The following PRKG1 variants were observed in gnomAD, a reference collection of about 807,000 sequenced individuals.
PRKG1 encodes the protein cGMP-dependent protein kinase 1.
Under a neutral mutation model 88.1 loss-of-function variants are expected in PRKG1, and 35 were observed. The ratio of observed to expected loss-of-function variants is 0.40; its 90% CI spans 0.30 to 0.53. PRKG1 has a LOEUF of 0.53. Ranked by LOEUF, PRKG1 falls within the 20% of genes least tolerant of loss-of-function variation. The pLI is 0.59. For missense variants in PRKG1, 540 were observed against 839.8 expected, an observed-to-expected ratio of 0.64 and a Z score of 4.41; for synonymous variants, 303 against 292.5, an observed-to-expected ratio of 1.04 and a Z score of -0.37.
At chr10:51,216,811 A>G (rs1434082085) in intron 2 of PRKG1, among the ~76,000 whole-genome samples, 1 of 152,150 alleles carries the variant, frequency 6.6e-6, no homozygotes, top group South Asian at 2.1e-4. Flanking sequence ...TGATTTTTTC[A>G]GGGGGATTTA....
intron 2 of PRKG1, among the ~76,000 whole-genome samples, chr10:51,166,083 A>G (rs1324807877): frequency 6.6e-6 from 1 of 151,740 alleles, no homozygotes; most frequent in Non-Finnish European, 1.5e-5. Flanking sequence ...ATTTTACATT[A>G]CTTTTCTATT....
chr10:51,964,536 A>T (rs1843522543), intron 5 of PRKG1, among the ~76,000 whole-genome samples: 2 of 152,334 alleles, frequency 1.3e-5, no homozygotes, highest in Non-Finnish European at 2.9e-5. Context: ...TTCTTACAAA[A>T]TTAAGAGATT....
intron 9 of PRKG1, among the ~76,000 whole-genome samples, chr10:52,211,716 AAG>A (rs1554817687): frequency 3.3e-5 from 5 of 151,458 alleles, no homozygotes; most frequent in African/African-American, 9.7e-5. Context: ...AAAAAAAAAA[AAG>A]AAAAGTAATT....
At chr10:52,012,987 A>G (rs1324408262) in intron 5 of PRKG1, among the ~76,000 whole-genome samples, 1 of 152,228 alleles carries the variant, frequency 6.6e-6, no homozygotes, top group East Asian at 1.9e-4. Flanking sequence ...TGTCACATTC[A>G]GTATTAGAGC....
At chr10:51,690,138 G>C (rs1250933262) in intron 3 of PRKG1, among the ~76,000 whole-genome samples, 1 of 152,092 alleles carries the variant, frequency 6.6e-6, no homozygotes, top group Non-Finnish European at 1.5e-5. Flanking sequence ...AGAGAGCAGA[G>C]GGGGAGGTGC....
chr10:51,375,068 T>C (rs1174865996), intron 2 of PRKG1, among the ~76,000 whole-genome samples: 1 of 152,188 alleles, frequency 6.6e-6, no homozygotes, highest in East Asian at 1.9e-4. Flanking sequence ...TCCATTACCT[T>C]TTGCCATACT....
At chr10:51,796,234 C>T (rs1056623027) in intron 3 of PRKG1, among the ~76,000 whole-genome samples, 1 of 151,894 alleles carries the variant, frequency 6.6e-6, no homozygotes, top group African/African-American at 2.4e-5. Flanking sequence ...GCAGCACTAA[C>T]CAACAGAAAT....
chr10:52,270,791 A>T (rs1018081005), intron 10 of PRKG1, among the ~76,000 whole-genome samples: 4 of 152,036 alleles, frequency 2.6e-5, no homozygotes, highest in African/African-American at 9.7e-5. Context: ...TAATGGGTGC[A>T]GCACACCAAC....
intron 3 of PRKG1, among the ~76,000 whole-genome samples, chr10:51,691,278 A>T (rs2132391747): frequency 6.7e-6 from 1 of 149,426 alleles, no homozygotes; most frequent in East Asian, 1.9e-4. Context: ...CATGTGCCGA[A>T]CCAGTTGCTA....
chr10:52,224,600 C>T (rs1373063271), intron 9 of PRKG1, among the ~76,000 whole-genome samples: 6 of 69,698 alleles, frequency 8.6e-5, no homozygotes, highest in African/African-American at 2.4e-4. Context: ...GCCCCACCTC[C>T]GACTCTTCCC....
At chr10:51,527,671 G>A (rs766951925) in intron 3 of PRKG1, among the ~76,000 whole-genome samples, 6 of 152,126 alleles carry the variant, frequency 3.9e-5, no homozygotes, top group Non-Finnish European at 8.8e-5. Context: ...ATTTTCTAGC[G>A]CTTTAAAGTC....
At chr10:51,045,992 C>T (rs1843484011) in intron 1 of PRKG1, among the ~76,000 whole-genome samples, 1 of 152,204 alleles carries the variant, frequency 6.6e-6, no homozygotes, top group Non-Finnish European at 1.5e-5. Flanking sequence ...TAAAGCTACT[C>T]TTTTACTAAG....
intron 9 of PRKG1, among the ~76,000 whole-genome samples, chr10:52,162,793 C>G (rs80169559): frequency 6.6e-6 from 1 of 151,958 alleles, no homozygotes; most frequent in East Asian, 1.9e-4. Flanking sequence ...CTATGTTAAC[C>G]CAATAAAATT....
chr10:52,066,359 T>C (rs781496843), intron 7 of PRKG1, among the ~76,000 whole-genome samples: 1 of 152,242 alleles, frequency 6.6e-6, no homozygotes, highest in Non-Finnish European at 1.5e-5. Context: ...GATTGCATAA[T>C]ACCTCAATGA....
intron 5 of PRKG1, among the ~76,000 whole-genome samples, chr10:51,970,001 T>TACACACAC (rs35117709): frequency 0.013 from 1,937 of 144,490 alleles, 31 homozygotes; most frequent in Non-Finnish European, 0.019. Flanking sequence ...ATTCTCTTCA[T>TACACACAC]ACACACACAC....
chr10:51,169,723 A>T (rs190870104), intron 2 of PRKG1, among the ~76,000 whole-genome samples: 3 of 152,184 alleles, frequency 2.0e-5, no homozygotes, highest in African/African-American at 7.2e-5. Flanking sequence ...GCAGACATGA[A>T]CTTGAATTCT....
chr10:52,257,046 A>G lies in PRKG1; in HGVS notation c.1173+5380A>G, dbSNP rs368542560. On this transcript the variant is annotated intron_variant, in intron 10 of 17. Transcript: ENST00000373980. ...AGTTCCTCTCCAGCCTTCTTAACCC[A>G]TGGCACCTCAGTTGGGCATAATAAA... Among the ~76,000 whole-genome samples the G allele has an allele frequency of 1.9e-4, 27 of 139,422 alleles. 4 individuals carry two copies. In the East Asian group the frequency reaches 5.3e-3, roughly 28 times the overall value. 91.5% of individuals were successfully genotyped at this position (139,422 alleles called of 152,430 possible).
chr10:51,162,181 G>A (rs1361254744), intron 2 of PRKG1, among the ~76,000 whole-genome samples: 1 of 152,122 alleles, frequency 6.6e-6, no homozygotes, highest in Non-Finnish European at 1.5e-5. Flanking sequence ...GGACAGATAG[G>A]AGCCACTTCC....
intron 3 of PRKG1, among the ~76,000 whole-genome samples, chr10:51,496,565 C>A (rs1483791364): frequency 1.3e-5 from 2 of 152,132 alleles, no homozygotes; most frequent in African/African-American, 4.8e-5. Context: ...AAGTAGATAA[C>A]ATTTAATGCC....
Sources: gnomAD v4.1 joint callset for allele counts (sites outside exome capture counted in the v4.1 genomes callset) on GRCh38, gnomAD v4.1.1 for gene constraint, MANE v1.5 for transcripts, NCBI Gene and HGNC (gene_info 2026-07-23, HGNC 2026-07-21) for gene names.